DPP8: variants seen among roughly 807,000 people sequenced by gnomAD.
DPP8 encodes the protein dipeptidyl peptidase 8.
DPP8 carries 31 observed loss-of-function variants against 107.5 expected under a neutral mutation model. The observed-to-expected ratio is 0.29, with a 90% CI of 0.22 to 0.39. The LOEUF (loss-of-function observed/expected upper bound fraction) is 0.39, where lower values mean the gene tolerates loss of function less well. DPP8 is among the 10% of genes least tolerant of loss of function. The pLI is 1.00. For missense variants in DPP8, 842 were observed against 1,076.1 expected, an observed-to-expected ratio of 0.78 and a Z score of 3.04; for synonymous variants, 381 against 356.6, an observed-to-expected ratio of 1.07 and a Z score of -0.77.
intron 19 of DPP8, among the ~76,000 whole-genome samples, chr15:65,448,721 T>C (rs1191556581): frequency 7.3e-6 from 1 of 137,806 alleles, no homozygotes; most frequent in Non-Finnish European, 1.6e-5. Flanking sequence ...TACATATATA[T>C]ATAAAATATA....
chr15:65,469,653 CAAAAAAAAAAAAAAA>C (rs61311948), intron 12 of DPP8, among the ~76,000 whole-genome samples: 3 of 66,508 alleles, frequency 4.5e-5, no homozygotes, highest in East Asian at 4.1e-4. Context: ...AACTCCGTCT[CAAAAAAAAAAAAAAA>C]AAAAAAAAAT....
At chr15:65,455,860 TTG>T in intron 16 of DPP8, 1 of 1,296,478 alleles carries the variant, frequency 7.7e-7, no homozygotes, top group African/African-American at 1.5e-5. Flanking sequence ...AGAAAGAGGC[TTG>T]TCACAAGGAA....
intron 19 of DPP8, chr15:65,450,631 T>C (rs2140327734): frequency 6.3e-6 from 1 of 157,850 alleles, no homozygotes; most frequent in East Asian, 1.9e-4. Context: ...AAAGACCATA[T>C]AATCAGGCCC....
intron 19 of DPP8, among the ~76,000 whole-genome samples, chr15:65,449,232 A>AATAT (rs955091890): frequency 6.9e-6 from 1 of 144,448 alleles, no homozygotes. Flanking sequence ...AATAAAAATA[A>AATAT]ATATATATAT....
chr15:65,495,022 T>C (rs2068442524), intron 5 of DPP8, among the ~76,000 whole-genome samples: 4 of 152,158 alleles, frequency 2.6e-5, no homozygotes, highest in Non-Finnish European at 2.9e-5. Context: ...TGGACCCTCA[T>C]ATCATGATAA....
chr15:65,512,881 A>T (rs997020582), intron 1 of DPP8: 4 of 286,284 alleles, frequency 1.4e-5, no homozygotes, highest in Non-Finnish European at 2.6e-5. Context: ...GGAAGGAAAC[A>T]GGCCATTTGC....
intron 3 of DPP8, among the ~76,000 whole-genome samples, chr15:65,504,864 T>C (rs2069757029): frequency 6.6e-6 from 1 of 151,952 alleles, no homozygotes; most frequent in South Asian, 2.1e-4. Flanking sequence ...ATGCCTGTAG[T>C]CCCAGCTACT....
chr15:65,494,867 T>G (rs1011038851), intron 5 of DPP8, among the ~76,000 whole-genome samples: 4 of 152,154 alleles, frequency 2.6e-5, no homozygotes, highest in African/African-American at 9.7e-5. Context: ...TTAGGCCATA[T>G]AACTTGGATA....
At chr15:65,488,979 C>T (rs1380580839) in intron 6 of DPP8, among the ~76,000 whole-genome samples, 1 of 152,086 alleles carries the variant, frequency 6.6e-6, no homozygotes, top group African/African-American at 2.4e-5. Context: ...TGTTTGTTTT[C>T]GAGACGGAGT....
Position 65,463,888 on chromosome 15 carries a change from G to T in DPP8, c.1844C>A (p.Thr615Asn). 1 of 1,586,054 alleles carries T rather than the reference G, an allele frequency of 6.3e-7. No individual in the cohort carries two copies. Among genetic ancestry groups the T allele is most frequent in the Non-Finnish European group, 8.6e-7 (1 of 1,169,042 alleles). Residue 615 changes from threonine to asparagine, a missense_variant, in exon 15 of 20, where the codon ACT (threonine) becomes AAT (asparagine). Physicochemically the swap from Thr to Asn is moderately conservative, Grantham distance 65 (BLOSUM62 0). Around this residue, in one of 2 missense-constraint regions of DPP8, gnomAD observed 663 missense variants for 758.0 expected, o/e 0.87. Transcript: ENST00000300141. ...LDSAGPLPDYTPPEIFSFEST... is the reference protein window; with the variant it reads ...LDSAGPLPDYNPPEIFSFEST... ...TTCAAAAGAGAAAATTTCTGGAGGAGTATAGTCAGGAAGAGGACCTGTGAA... is the reference window on the plus strand; with the variant it reads ...TTCAAAAGAGAAAATTTCTGGAGGATTATAGTCAGGAAGAGGACCTGTGAA...
At chr15:65,496,047 G>T (rs1159411929) in intron 5 of DPP8, among the ~76,000 whole-genome samples, 4 of 151,028 alleles carry the variant, frequency 2.6e-5, no homozygotes, top group South Asian at 4.2e-4. Flanking sequence ...GCAGTGGTGT[G>T]ATCTCAGCTC....
At chr15:65,487,119 C>A (rs375895757) in intron 7 of DPP8, among the ~76,000 whole-genome samples, 134 of 150,554 alleles carry the variant, frequency 8.9e-4, no homozygotes, top group African/African-American at 3.1e-3. Flanking sequence ...AAAAATATCA[C>A]TTAAAAATCT....
chr15:65,512,260 T>A (rs750078827), intron 2 of DPP8, 35 bp downstream of exon 2: 1 of 1,569,342 alleles, frequency 6.4e-7, no homozygotes, highest in Non-Finnish European at 8.6e-7. Flanking sequence ...ACTTAAGAGA[T>A]CATTTTCTCT....
Position 65,463,720 on chromosome 15 carries a change from T to C in DPP8, c.1971+41A>G, listed in dbSNP as rs764732665. On this transcript the variant is annotated intron_variant, in intron 15 of 19. Transcript: ENST00000300141. Reference sequence around the variant, plus strand: ...AAAAACAAAAGATCTAAAATACATATGCATATGGGTGTATGTATATATGTA... The same window carrying C: ...AAAAACAAAAGATCTAAAATACATACGCATATGGGTGTATGTATATATGTA... 2.7e-6 allele frequency: 4 copies of C among 1,507,660 alleles called. No homozygotes were observed. The African/African-American group carries it at 4.2e-5, about 16-fold the overall frequency. 93.4% of individuals were successfully genotyped at this position (1,507,660 alleles called of 1,614,324 possible). A position where few individuals can be genotyped will look rare whatever the true frequency, so the allele number is the denominator to read the frequency against.
At chr15:65,476,062 T>C (rs969278721) in intron 11 of DPP8, among the ~76,000 whole-genome samples, 2 of 152,196 alleles carry the variant, frequency 1.3e-5, no homozygotes, top group Non-Finnish European at 2.9e-5. Context: ...CCCATTTGTT[T>C]TTATGAGCTT....
chr15:65,466,559 G>C (rs2065370898), intron 14 of DPP8, 119 bp downstream of exon 14: 7 of 885,716 alleles, frequency 7.9e-6, no homozygotes. Context: ...AGCAGCTCAG[G>C]GACAGGCAGT....
At chr15:65,493,443 C>T (rs981913758) in intron 5 of DPP8, among the ~76,000 whole-genome samples, 1 of 152,072 alleles carries the variant, frequency 6.6e-6, no homozygotes, top group Non-Finnish European at 1.5e-5. Flanking sequence ...AGCAGGGTAA[C>T]CAAATACCTT....
At chr15:65,481,383 G>C in intron 9 of DPP8, 132 bp downstream of exon 9, 2 of 653,188 alleles carry the variant, frequency 3.1e-6, no homozygotes, top group Non-Finnish European at 5.4e-6. Flanking sequence ...AAAATGCCTT[G>C]TGTAGTAATA....
Position 65,481,590 on chromosome 15 carries a change from A to T in DPP8, c.1043T>A (p.Leu348Gln). The T allele has an allele frequency of 1.3e-6, 2 of 1,573,888 alleles. No individual in the cohort carries two copies. Among genetic ancestry groups the T allele is most frequent in the Non-Finnish European group, 1.7e-6 (2 of 1,157,286 alleles). The change falls in exon 9 of 20, where the codon CTA becomes CAA. Residue 348 changes from leucine (L) to glutamine (Q), a missense_variant. Physicochemically the swap from Leu to Gln is moderately radical, Grantham distance 113 (BLOSUM62 -2). Coordinates refer to ENST00000300141, the MANE Select transcript of DPP8 (RefSeq NM_130434.5). ...AAATAGAATCTCAAAAGGTTGAATT[A>T]GTTCCTTATCTATGACATCTATGAT... ...GRIIDVIDKELIQPFEILFEG... is the reference protein window; with the variant it reads ...GRIIDVIDKEQIQPFEILFEG...
Sources: gnomAD v4.1 joint callset for allele counts (sites outside exome capture counted in the v4.1 genomes callset) on GRCh38, gnomAD v4.1.1 for gene constraint, gnomAD v4.1.1 regional missense constraint, MANE v1.5 for transcripts, NCBI Gene and HGNC (gene_info 2026-07-23, HGNC 2026-07-21) for gene names.